The following IFTAP variants were observed in gnomAD, a reference collection of about 807,000 sequenced individuals.
IFTAP encodes intraflagellar transport-associated protein.
Under a neutral mutation model 19.4 loss-of-function variants are expected in IFTAP, and 19 were observed. The observed-to-expected ratio is 0.98, with a 90% CI of 0.68 to 1.44. IFTAP has a LOEUF of 1.44. Among genes scored for constraint, IFTAP ranks in the 40% most tolerant of loss-of-function variants. IFTAP has a pLI of 0.00. For missense variants in IFTAP, 240 were observed against 253.6 expected, an observed-to-expected ratio of 0.95 and a Z score of 0.36; for synonymous variants, 85 against 83.5, an observed-to-expected ratio of 1.02 and a Z score of -0.10.
chr11:36,646,076 G>C (rs1316149762), intron 4 of IFTAP, among the ~76,000 whole-genome samples: 1 of 152,142 alleles, frequency 6.6e-6, no homozygotes, highest in Non-Finnish European at 1.5e-5. Flanking sequence ...TTGTTCCCAT[G>C]GCAGTAGAAT....
chr11:36,628,703 T>G (rs11033724), intron 2 of IFTAP, among the ~76,000 whole-genome samples: 6,527 of 151,294 alleles, frequency 0.043, 803 homozygotes, highest in African/African-American at 0.15. Flanking sequence ...TTACACTCTG[T>G]TCATATTTTT....
At chr11:36,648,590 C>G (rs898056095) in intron 5 of IFTAP, among the ~76,000 whole-genome samples, 5 of 152,146 alleles carry the variant, frequency 3.3e-5, no homozygotes, top group Non-Finnish European at 7.4e-5. Context: ...GTTTATTTCT[C>G]TTATTTACAG....
Position 36,624,888 on chromosome 11 carries a change from G to A in IFTAP, c.137-8396G>A, listed in dbSNP as rs551487039. Among the ~76,000 whole-genome samples, 7 of 152,238 alleles carry A rather than the reference G, an allele frequency of 4.6e-5. No individual in the cohort carries two copies. The South Asian group carries it at 6.2e-4, about 14-fold the overall frequency. On this transcript the variant is annotated intron_variant, in intron 2 of 5. Transcript: ENST00000334307. The stretch of plus-strand genomic sequence containing the variant: ...CTATATCTCTTACTGTTGCATGAGC[G>A]AGAAATAAACTTCCACTTTGTTTAA...
intron 5 of IFTAP, among the ~76,000 whole-genome samples, chr11:36,650,672 A>G (rs901131158): frequency 3.3e-5 from 5 of 152,010 alleles, no homozygotes; most frequent in Non-Finnish European, 7.4e-5. Context: ...CAACATTTAC[A>G]TTAGGCATAT....
chr11:36,633,356 C>G lies in IFTAP; in HGVS notation c.209C>G (p.Thr70Ser). ...AACATTTTTACCTCAGCAAAAGTTA[C>G]TCATAAAAATGAAGCAGATGACTAC... is the stretch of plus-strand genomic sequence containing the variant. ...SENIFTSAKV[T>S]HKNEADDYHL... Residue 70 changes from threonine to serine, a missense_variant, in exon 3 of 6, where the codon ACT (threonine) becomes AGT (serine). By Grantham distance (58) the Thr-to-Ser change is moderately conservative. Coordinates refer to ENST00000334307, the MANE Select transcript of IFTAP (RefSeq NM_138787.4). 3 of 1,603,748 alleles carry G rather than the reference C, an allele frequency of 1.9e-6. No individual in the cohort carries two copies. Among genetic ancestry groups the G allele is most frequent in the Non-Finnish European group, 2.6e-6 (3 of 1,175,342 alleles).
At position 36,633,309 on chromosome 11, in the gene IFTAP, G is replaced by A; in HGVS notation, c.162G>A (p.Val54=). The change falls in exon 3 of 6, where the codon GTG becomes GTA. Residue 54 remains valine, a synonymous_variant. Coordinates refer to ENST00000334307, the MANE Select transcript of IFTAP (RefSeq NM_138787.4). ...SQEDHVSKRG[V]FGTDSSENIF... Reference sequence around the variant, plus strand: ...AGGATCATGTGTCCAAAAGGGGAGTGTTTGGAACTGATTCTTCAGAAAACA... The same window carrying A: ...AGGATCATGTGTCCAAAAGGGGAGTATTTGGAACTGATTCTTCAGAAAACA... The A allele has an allele frequency of 1.9e-6, 3 of 1,591,224 alleles. No individual in the cohort carries two copies. Among genetic ancestry groups the A allele is most frequent in the Non-Finnish European group, 1.7e-6 (2 of 1,170,260 alleles).
chr11:36,627,581 T>C (rs1464282379), intron 2 of IFTAP, among the ~76,000 whole-genome samples: 1 of 151,318 alleles, frequency 6.6e-6, no homozygotes, highest in Non-Finnish European at 1.5e-5. Context: ...CAAACTTGGA[T>C]GTAACAGATT....
intron 5 of IFTAP, among the ~76,000 whole-genome samples, chr11:36,656,691 T>C (rs1854006693): frequency 6.6e-6 from 1 of 152,120 alleles, no homozygotes; most frequent in Admixed American, 6.6e-5. Context: ...CCTATACTTT[T>C]GTCTTCTCCT....
intron 1 of IFTAP, among the ~76,000 whole-genome samples, chr11:36,595,586 C>T (rs1285135695): frequency 6.6e-6 from 1 of 152,236 alleles, no homozygotes; most frequent in Admixed American, 6.5e-5. Flanking sequence ...AATCCTGGCT[C>T]TGCCACTAAC....
chr11:36,604,007 C>G (rs748361529), intron 1 of IFTAP, among the ~76,000 whole-genome samples: 1 of 151,818 alleles, frequency 6.6e-6, no homozygotes, highest in Non-Finnish European at 1.5e-5. Flanking sequence ...ATCCTTTGTG[C>G]TATCTTTGTT....
At chr11:36,641,152 G>A (rs1853178548) in intron 4 of IFTAP, among the ~76,000 whole-genome samples, 1 of 152,036 alleles carries the variant, frequency 6.6e-6, no homozygotes, top group Non-Finnish European at 1.5e-5. Flanking sequence ...AAAATTGAAT[G>A]CAGAAACAAA....
chr11:36,638,176 A>G (rs1853034762), intron 4 of IFTAP, among the ~76,000 whole-genome samples: 1 of 151,502 alleles, frequency 6.6e-6, no homozygotes, highest in Non-Finnish European at 1.5e-5. Context: ...CTAGGATTAC[A>G]GGTGTGAGCC....
At chr11:36,618,560 A>G (rs1356286540) in intron 2 of IFTAP, among the ~76,000 whole-genome samples, 1 of 151,740 alleles carries the variant, frequency 6.6e-6, no homozygotes, top group Non-Finnish European at 1.5e-5. Flanking sequence ...GTAGATGCTT[A>G]AATATTGGTT....
intron 1 of IFTAP, among the ~76,000 whole-genome samples, chr11:36,608,890 A>G (rs1432573608): frequency 1.3e-5 from 2 of 152,144 alleles, no homozygotes; most frequent in Non-Finnish European, 2.9e-5. Context: ...GAAATAATTG[A>G]GCAAGTATAG....
chr11:36,602,842 C>A (rs906196264), intron 1 of IFTAP, among the ~76,000 whole-genome samples: 3 of 149,778 alleles, frequency 2.0e-5, no homozygotes, highest in Non-Finnish European at 4.4e-5. Context: ...AAAAAAAAAA[C>A]AAGCAAAAAT....
chr11:36,596,888 T>G (rs1851287834), intron 1 of IFTAP, among the ~76,000 whole-genome samples: 1 of 152,214 alleles, frequency 6.6e-6, no homozygotes, highest in South Asian at 2.1e-4. Flanking sequence ...CACAGAAACA[T>G]TTTCTTGGGC....
Position 36,631,405 on chromosome 11 carries a change from C to T in IFTAP, c.137-1879C>T, listed in dbSNP as rs537860549. Among the ~76,000 whole-genome samples the T allele has an allele frequency of 2.3e-4, 35 of 151,444 alleles. 1 individual carries two copies. The South Asian group carries it at 7.0e-3, about 30-fold the overall frequency. ...TAATGACGTATTATAGATTAGGTCA[C>T]CTTATCTCTGTTTCCCATCAGTATA... On this transcript the variant is annotated intron_variant, in intron 2 of 5. Coordinates refer to ENST00000334307, the MANE Select transcript of IFTAP (RefSeq NM_138787.4).
chr11:36,658,975 A>T, intron 5 of IFTAP, 44 bp from the exon 6 acceptor site: 1 of 1,389,204 alleles, frequency 7.2e-7, no homozygotes, highest in Non-Finnish European at 9.7e-7. Flanking sequence ...ATCTTCATTT[A>T]CAATGATTGT....
intron 2 of IFTAP, among the ~76,000 whole-genome samples, chr11:36,624,242 A>G (rs897581174): frequency 1.3e-5 from 2 of 152,072 alleles, no homozygotes; most frequent in African/African-American, 4.8e-5. Flanking sequence ...CACCCACAGT[A>G]AAACAATAAC....
Sources: gnomAD v4.1 joint callset for allele counts (sites outside exome capture counted in the v4.1 genomes callset) on GRCh38, gnomAD v4.1.1 for gene constraint, MANE v1.5 for transcripts, NCBI Gene and HGNC (gene_info 2026-07-23, HGNC 2026-07-21) for gene names.